LRMDA: variants seen among roughly 807,000 people sequenced by gnomAD.
LRMDA encodes the protein leucine-rich melanocyte differentiation-associated protein.
Under a neutral mutation model 29.8 loss-of-function variants are expected in LRMDA, and 18 were observed. That is an observed-to-expected ratio of 0.60 (90% CI 0.42 to 0.90). LRMDA has a LOEUF of 0.90. Among genes scored for constraint, LRMDA ranks in the 40% least tolerant of loss-of-function variants. The pLI is 0.00. For synonymous variants in LRMDA, 125 were observed against 109.4 expected (o/e 1.14, Z -0.89); for missense variants, 273 against 273.9 (o/e 1.00, Z 0.02).
At chr10:76,005,852 C>A (rs1261848000) in intron 2 of LRMDA, among the ~76,000 whole-genome samples, 1 of 151,882 alleles carries the variant, frequency 6.6e-6, no homozygotes, top group Admixed American at 6.6e-5. Context: ...ATGGCGTGAA[C>A]CCGGGAGGCG....
chr10:76,450,287 T>G (rs986971894), intron 6 of LRMDA, among the ~76,000 whole-genome samples: 1 of 152,058 alleles, frequency 6.6e-6, no homozygotes, highest in Non-Finnish European at 1.5e-5. Context: ...ATTTATTTGA[T>G]TTTGCAAAGA....
chr10:76,256,904 T>G (rs532236472), intron 5 of LRMDA, among the ~76,000 whole-genome samples: 1 of 152,324 alleles, frequency 6.6e-6, no homozygotes, highest in Non-Finnish European at 1.5e-5. Flanking sequence ...AAAACCTTGG[T>G]AGCATATATT....
chr10:75,675,763 G>A (rs981474914), intron 2 of LRMDA, among the ~76,000 whole-genome samples: 1 of 151,878 alleles, frequency 6.6e-6, no homozygotes, highest in Non-Finnish European at 1.5e-5. Flanking sequence ...TTTACAGTTG[G>A]TCTTGTTCTA....
rs75436516 is a variant in LRMDA, at chr10:75,444,486, T to C, written c.131+5992T>C. On this transcript the variant is annotated intron_variant, in intron 2 of 6. Transcript: ENST00000611255. Reference sequence around the variant, plus strand: ...GATCAGCCAGGAACCAAGTCAGCCATAGTGACTGTGAACTGGATTGAGTTC... The same window carrying C: ...GATCAGCCAGGAACCAAGTCAGCCACAGTGACTGTGAACTGGATTGAGTTC... Among the ~76,000 whole-genome samples, 746 of 152,288 alleles carry C rather than the reference T, an allele frequency of 4.9e-3. 10 individuals carry two copies. Among genetic ancestry groups the C allele is most frequent in the African/African-American group, 0.017 (718 of 41,548 alleles).
At chr10:76,440,326 A>G (rs1842288384) in intron 6 of LRMDA, among the ~76,000 whole-genome samples, 1 of 152,226 alleles carries the variant, frequency 6.6e-6, no homozygotes, top group Non-Finnish European at 1.5e-5. Flanking sequence ...CACAATGCAC[A>G]TAATTTCAAA....
rs566737045 is a variant in LRMDA, at chr10:76,557,249, C to T, written c.642C>T (p.Asn214=). The T allele has an allele frequency of 2.5e-5, 41 of 1,614,150 alleles. 1 individual carries two copies. The South Asian group carries it at 4.0e-4, about 16-fold the overall frequency. Residue 214 remains asparagine (N), a synonymous_variant, in exon 7 of 7, where the codon AAC becomes AAT. Transcript: ENST00000611255. ...GKCRYVYYGK[N]SEGNRFIRDD... ...GTCGCTACGTTTACTATGGGAAAAA[C>T]TCAGAGGGCAACAGGTTTATCCGAG...
chr10:76,407,172 G>A, intron 6 of LRMDA, among the ~76,000 whole-genome samples: 1 of 152,196 alleles, frequency 6.6e-6, no homozygotes, highest in East Asian at 1.9e-4. Context: ...CATCAGCCTG[G>A]GCTCTGTGGT....
intron 5 of LRMDA, among the ~76,000 whole-genome samples, chr10:76,220,230 A>T (rs1589381391): frequency 1.3e-5 from 2 of 152,200 alleles, no homozygotes; most frequent in Non-Finnish European, 2.9e-5. Flanking sequence ...GAGCAAACAC[A>T]TTCAAAAGCT....
At chr10:76,307,834 C>G (rs2132372740) in intron 5 of LRMDA, among the ~76,000 whole-genome samples, 1 of 152,264 alleles carries the variant, frequency 6.6e-6, no homozygotes, top group East Asian at 1.9e-4. Context: ...GTTTGAACAC[C>G]TGGATCTAAC....
At chr10:75,801,193 C>T (rs1309796403) in intron 2 of LRMDA, among the ~76,000 whole-genome samples, 2 of 152,320 alleles carry the variant, frequency 1.3e-5, no homozygotes, top group East Asian at 3.9e-4. Context: ...CTTGGACTTC[C>T]CTCAAGCATC....
chr10:75,465,516 C>T (rs1000037387), intron 2 of LRMDA, among the ~76,000 whole-genome samples: 8 of 152,104 alleles, frequency 5.3e-5, no homozygotes, highest in African/African-American at 1.9e-4. Context: ...CCAGCTGTCA[C>T]GGAGAATCTG....
At chr10:76,517,892 G>C (rs556226120) in intron 6 of LRMDA, among the ~76,000 whole-genome samples, 100 of 149,740 alleles carry the variant, frequency 6.7e-4, no homozygotes, top group African/African-American at 2.4e-3. Flanking sequence ...AAAAAAAAGA[G>C]TGTTTAAATC....
At chr10:76,527,049 CA>C (rs34187065) in intron 6 of LRMDA, among the ~76,000 whole-genome samples, 23,979 of 105,404 alleles carry the variant, frequency 0.23, 2,132 homozygotes, top group African/African-American at 0.29. Context: ...TCAGGTCTGA[CA>C]AAAAAAAAAA....
intron 2 of LRMDA, among the ~76,000 whole-genome samples, chr10:75,792,105 G>A (rs780921734): frequency 6.6e-6 from 1 of 151,690 alleles, no homozygotes; most frequent in Non-Finnish European, 1.5e-5. Context: ...GTGATCCCCC[G>A]CCTCGGCCTC....
intron 2 of LRMDA, among the ~76,000 whole-genome samples, chr10:75,590,496 CAGTT>C (rs1013783147): frequency 1.3e-5 from 2 of 151,884 alleles, no homozygotes; most frequent in Non-Finnish European, 2.9e-5. Flanking sequence ...ACTGTGAAAA[CAGTT>C]GGGGAGTCAG....
intron 5 of LRMDA, among the ~76,000 whole-genome samples, chr10:76,143,817 T>C (rs1484972791): frequency 6.6e-6 from 1 of 152,268 alleles, no homozygotes; most frequent in Non-Finnish European, 1.5e-5. Context: ...AGAGTTTTTA[T>C]GGTTTTAGGT....
At chr10:75,513,590 G>C (rs1845253126) in intron 2 of LRMDA, among the ~76,000 whole-genome samples, 1 of 152,150 alleles carries the variant, frequency 6.6e-6, no homozygotes, top group East Asian at 1.9e-4. Flanking sequence ...GTTTCACTGG[G>C]TTAAAATCAA....
chr10:76,132,964 G>A lies in LRMDA; in HGVS notation c.516+74181G>A, dbSNP rs909215604. On this transcript the variant is annotated intron_variant, in intron 5 of 6. Transcript: ENST00000611255. ...ACTACAGGCATCCACCACCACGCCC[G>A]GCTTTTTTTTTTTTTTTTTTTTTTT... 4.7e-5 allele frequency among the ~76,000 whole-genome samples: 6 copies of A among 128,838 alleles called. No individual in the cohort carries two copies. The South Asian group carries it at 1.3e-3, about 27-fold the overall frequency. 84.5% of individuals were successfully genotyped at this position (128,838 alleles called of 152,430 possible). A position where few individuals can be genotyped will look rare whatever the true frequency, so the allele number is the denominator to read the frequency against.
intron 6 of LRMDA, among the ~76,000 whole-genome samples, chr10:76,434,797 A>G (rs888473549): frequency 6.6e-6 from 1 of 152,220 alleles, no homozygotes. Context: ...GGATATATGT[A>G]TGTGTGTGTG....
Sources: allele counts gnomAD v4.1 joint callset (sites outside exome capture counted in the v4.1 genomes callset), GRCh38; gene constraint gnomAD v4.1.1; transcripts MANE v1.5; gene names NCBI Gene and HGNC (gene_info 2026-07-23, HGNC 2026-07-21).